Variants in CR1L observed in about 807,000 individuals in gnomAD.
The protein encoded by CR1L is complement C3b/C4b receptor 1 like, also known as complement component receptor 1-like protein.
In CR1L, 59 loss-of-function variants were observed where a neutral mutation model predicts 62.3. The observed-to-expected ratio is 0.95, with a 90% CI of 0.77 to 1.18. The LOEUF (loss-of-function observed/expected upper bound fraction) is 1.18, where lower values mean the gene tolerates loss of function less well. Ranked by LOEUF, CR1L falls within the 50% of genes most tolerant of loss-of-function variation. The pLI is 0.00. For missense variants in CR1L, 700 were observed against 702.8 expected, an observed-to-expected ratio of 1.00 and a Z score of 0.04; for synonymous variants, 279 against 248.7, an observed-to-expected ratio of 1.12 and a Z score of -1.15.
chr1:207,693,800 A>C (rs376428325), intron 4 of CR1L, among the ~76,000 whole-genome samples: 2 of 152,096 alleles, frequency 1.3e-5, no homozygotes, highest in South Asian at 4.2e-4. Flanking sequence ...CTAGCTTTCT[A>C]AATCTTTTTG....
chr1:207,697,683 A>G lies in CR1L; in HGVS notation c.1039+4A>G, dbSNP rs761699071. ...CCTGCAGCCCCCAGATGTGAAGGTGACTAGACTCTTATCTGGCTTGGTATT... is the reference window on the plus strand; with the variant it reads ...CCTGCAGCCCCCAGATGTGAAGGTGGCTAGACTCTTATCTGGCTTGGTATT... On this transcript the variant is annotated splice_donor_region_variant and intron_variant, in intron 6 of 11. Coordinates refer to ENST00000508064, the MANE Select transcript of CR1L (RefSeq NM_175710.2). 5 of 1,614,014 alleles carry G rather than the reference A, an allele frequency of 3.1e-6. No homozygotes were observed. In the Admixed American group the frequency reaches 8.3e-5, roughly 27 times the overall value.
intron 10 of CR1L, chr1:207,708,992 T>A (rs1348640245): frequency 6.1e-6 from 2 of 328,496 alleles, no homozygotes; most frequent in African/African-American, 4.3e-5. Flanking sequence ...CAGTATCCAG[T>A]TATTTGTATT....
intron 10 of CR1L, among the ~76,000 whole-genome samples, chr1:207,711,856 A>G (rs1664363211): frequency 6.6e-6 from 1 of 151,962 alleles, no homozygotes; most frequent in African/African-American, 2.4e-5. Context: ...CTAAGATCAC[A>G]CGACTGTGCT....
At chr1:207,706,227 C>T (rs1664266099) in intron 9 of CR1L, among the ~76,000 whole-genome samples, 1 of 151,662 alleles carries the variant, frequency 6.6e-6, no homozygotes, top group South Asian at 2.1e-4. Context: ...CGAGACCAGC[C>T]TGGGCAATAA....
intron 10 of CR1L, chr1:207,710,301 C>T: frequency 1.2e-6 from 1 of 838,930 alleles, no homozygotes; most frequent in Non-Finnish European, 2.0e-6. Context: ...CATGATCGTG[C>T]CACTGCACTC....
chr1:207,702,305 C>T (rs1371938569), intron 9 of CR1L, among the ~76,000 whole-genome samples: 1 of 152,170 alleles, frequency 6.6e-6, no homozygotes, highest in Non-Finnish European at 1.5e-5. Flanking sequence ...AATGTGCATG[C>T]TTTGACTGCT....
At chr1:207,678,387 C>A in intron 3 of CR1L, 90 bp downstream of exon 3, 1 of 1,148,906 alleles carries the variant, frequency 8.7e-7, no homozygotes. Flanking sequence ...GAAAGGACAA[C>A]TAAACTATTA....
At chr1:207,722,966 A>G (rs1420218490) in intron 11 of CR1L, among the ~76,000 whole-genome samples, 1 of 152,222 alleles carries the variant, frequency 6.6e-6, no homozygotes. Flanking sequence ...ACTAGATTAT[A>G]TTAGTTTGCC....
chr1:207,660,600 T>A (rs548169978), intron 1 of CR1L, among the ~76,000 whole-genome samples: 1 of 152,378 alleles, frequency 6.6e-6, no homozygotes, highest in African/African-American at 2.4e-5. Flanking sequence ...AACCAGCTCC[T>A]GGATCCATTG....
chr1:207,647,897 G>A (rs1571638968), intron 1 of CR1L, among the ~76,000 whole-genome samples: 1 of 152,180 alleles, frequency 6.6e-6, no homozygotes. Context: ...AGAAGAAAAC[G>A]AAAGGACTTT....
chr1:207,717,667 C>G lies in CR1L; in HGVS notation c.1618C>G (p.Arg540Gly). 1 of 1,613,976 alleles carries G rather than the reference C, an allele frequency of 6.2e-7. No homozygotes were observed. Among genetic ancestry groups the G allele is most frequent in the Non-Finnish European group, 8.5e-7 (1 of 1,179,868 alleles). ...GNGVWSSPAPRCELPVGAGSH... is the reference protein window; with the variant it reads ...GNGVWSSPAPGCELPVGAGSH... ...TGGGGTTTGGAGCAGCCCTGCCCCT[C>G]GCTGTGAACTTCCTGTTGGTGCTGG... The change falls in exon 11 of 12, where the codon CGC (arginine) becomes GGC (glycine). Residue 540 changes from arginine (R) to glycine (G), a missense_variant. Arg to Gly is a moderately radical substitution (Grantham distance 125, BLOSUM62 -2). Coordinates refer to ENST00000508064, the MANE Select transcript of CR1L (RefSeq NM_175710.2).
intron 11 of CR1L, among the ~76,000 whole-genome samples, chr1:207,721,299 G>A (rs1447206166): frequency 6.6e-6 from 1 of 150,670 alleles, no homozygotes; most frequent in Non-Finnish European, 1.5e-5. Flanking sequence ...CCACTAACTC[G>A]TCATCTAGCA....
At chr1:207,668,833 G>A (rs1327039488) in intron 1 of CR1L, among the ~76,000 whole-genome samples, 1 of 150,846 alleles carries the variant, frequency 6.6e-6, no homozygotes, top group African/African-American at 2.5e-5. Flanking sequence ...TCCCTGGCTG[G>A]TCTCCCCTCT....
At chr1:207,683,807 A>G in intron 3 of CR1L, 65 bp from the exon 4 acceptor site, 1 of 1,433,752 alleles carries the variant, frequency 7.0e-7, no homozygotes, top group Non-Finnish European at 9.8e-7. Flanking sequence ...CTCTGGAAGT[A>G]GTAATTTAAT....
At chr1:207,665,597 G>A (rs1663508830) in intron 1 of CR1L, among the ~76,000 whole-genome samples, 1 of 151,826 alleles carries the variant, frequency 6.6e-6, no homozygotes, top group African/African-American at 2.4e-5. Flanking sequence ...GTTTCACCAT[G>A]TTGGCCAGGC....
At chr1:207,650,328 T>C (rs1663203073) in intron 1 of CR1L, among the ~76,000 whole-genome samples, 1 of 151,902 alleles carries the variant, frequency 6.6e-6, no homozygotes, top group African/African-American at 2.4e-5. Flanking sequence ...AAAACCAGAG[T>C]GGTTTGCTCT....
intron 1 of CR1L, among the ~76,000 whole-genome samples, chr1:207,672,605 C>T (rs192027244): frequency 1.1e-4 from 17 of 152,168 alleles, no homozygotes; most frequent in Admixed American, 9.8e-4. Flanking sequence ...CTTCATCCAA[C>T]AACAGCAAAA....
At chr1:207,654,641 G>T (rs1331000015) in intron 1 of CR1L, among the ~76,000 whole-genome samples, 1 of 152,070 alleles carries the variant, frequency 6.6e-6, no homozygotes, top group African/African-American at 2.4e-5. Context: ...AATATTAATA[G>T]GAGCTAAAAC....
chr1:207,707,940 C>A (rs1664294660), intron 9 of CR1L, among the ~76,000 whole-genome samples: 1 of 152,070 alleles, frequency 6.6e-6, no homozygotes, highest in East Asian at 1.9e-4. Flanking sequence ...CAGGTACAGT[C>A]CACAATGAAG....
Sources: allele counts gnomAD v4.1 joint callset (sites outside exome capture counted in the v4.1 genomes callset), GRCh38; gene constraint gnomAD v4.1.1; transcripts MANE v1.5; gene names NCBI Gene and HGNC (gene_info 2026-07-23, HGNC 2026-07-21).